CALN1: variants seen among roughly 807,000 people sequenced by gnomAD.
CALN1 encodes the protein calneuron 1.
In CALN1, 17 loss-of-function variants were observed where a neutral mutation model predicts 30.6. The observed-to-expected ratio is 0.56, with a 90% CI of 0.38 to 0.83. CALN1 has a LOEUF of 0.83. CALN1 is among the 40% of genes least tolerant of loss of function. The probability of loss-of-function intolerance (pLI) is 0.00; values close to 1 mark genes in which losing one functional copy is unlikely to be tolerated. For missense variants in CALN1, 291 were observed against 354.9 expected, an observed-to-expected ratio of 0.82 and a Z score of 1.45; for synonymous variants, 156 against 131.4, an observed-to-expected ratio of 1.19 and a Z score of -1.28.
chr7:72,456,141 G>A, the CALN1 span, among the ~76,000 whole-genome samples: 6 of 150,308 alleles, frequency 4.0e-5, no homozygotes, highest in East Asian at 1.2e-3. Flanking sequence ...CCAAGATCGT[G>A]CCACTGCACT....
chr7:72,007,195 G>T (rs529381742), intron 5 of CALN1, among the ~76,000 whole-genome samples: 1 of 152,318 alleles, frequency 6.6e-6, no homozygotes, highest in South Asian at 2.1e-4. Context: ...ACTTCCACCA[G>T]CCACGTGACT....
chr7:71,933,397 C>T lies in CALN1; in HGVS notation c.501+90260G>A, dbSNP rs927608498. On this transcript the variant is annotated intron_variant, in intron 5 of 6. Coordinates refer to ENST00000395275, the MANE Select transcript of CALN1 (RefSeq NM_031468.4). ...TGAACGCCGCCGCCGGCTGGTCTTT[C>T]CTTTCGGAAGCCCCTCTCACTAGAG... is the stretch of plus-strand genomic sequence containing the variant. Among the ~76,000 whole-genome samples the T allele has an allele frequency of 5.3e-5, 8 of 152,146 alleles. No individual in the cohort carries two copies. The South Asian group carries it at 8.3e-4, about 16-fold the overall frequency.
rs183900594 is a variant in CALN1 at position 71,963,594 on chromosome 7, C to T, written c.501+60063G>A. On this transcript the variant is annotated intron_variant, in intron 5 of 6. Transcript: ENST00000395275. Reference sequence around the variant, plus strand: ...TGCTGGGATTACAGGTATGAGCCACCGTGCCCAGCCTAGGAAACTTTTTCT... The same window carrying T: ...TGCTGGGATTACAGGTATGAGCCACTGTGCCCAGCCTAGGAAACTTTTTCT... Among the ~76,000 whole-genome samples, 33 of 152,064 alleles carry T rather than the reference C, an allele frequency of 2.2e-4. 1 individual carries two copies. The East Asian group carries it at 3.5e-3, about 16-fold the overall frequency.
Position 72,253,647 on chromosome 7 carries a change from C to T in CALN1, c.244+25039G>A, listed in dbSNP as rs115022378. On this transcript the variant is annotated intron_variant, in intron 3 of 6. Coordinates refer to ENST00000395275, the MANE Select transcript of CALN1 (RefSeq NM_031468.4). Reference sequence around the variant, plus strand: ...TAAGAACAGCACGGGGGAACTACCCCCATGATCCAATCATCTCCCACCAGG... The same window carrying T: ...TAAGAACAGCACGGGGGAACTACCCTCATGATCCAATCATCTCCCACCAGG... Among the ~76,000 whole-genome samples the T allele has an allele frequency of 2.6e-4, 40 of 152,308 alleles. 1 individual carries two copies. The highest frequency in any genetic ancestry group is 8.9e-4 in the African/African-American group (37 of 41,570).
rs146241594 is a variant in CALN1 at position 71,976,563 on chromosome 7, G to A, written c.501+47094C>T. Among the ~76,000 whole-genome samples the A allele has an allele frequency of 3.0e-4, 46 of 152,354 alleles. No homozygotes were observed. In the East Asian group the frequency reaches 5.0e-3, roughly 17 times the overall value. On this transcript the variant is annotated intron_variant, in intron 5 of 6. Transcript: ENST00000395275. ...CAGGGATGGCTGAGATGTTCCCAGA[G>A]ATGGGAAATGAACGAGGTCCTCCCT...
intron 3 of CALN1, among the ~76,000 whole-genome samples, chr7:72,250,963 T>C (rs1795511619): frequency 6.6e-6 from 1 of 152,216 alleles, no homozygotes; most frequent in Non-Finnish European, 1.5e-5. Flanking sequence ...GGCTTTCCTT[T>C]ATCCTTGGCT....
chr7:71,910,949 T>C (rs1156595039), intron 5 of CALN1, among the ~76,000 whole-genome samples: 1 of 152,020 alleles, frequency 6.6e-6, no homozygotes, highest in Non-Finnish European at 1.5e-5. Flanking sequence ...ACAGAAGCAA[T>C]TTGCTAGGTG....
chr7:72,225,427 GC>G (rs1236577906), intron 3 of CALN1, among the ~76,000 whole-genome samples: 2 of 152,066 alleles, frequency 1.3e-5, no homozygotes, highest in Non-Finnish European at 2.9e-5. Flanking sequence ...CCCAAAAAGG[GC>G]CACTTACAAA....
At chr7:71,842,930 G>C (rs1472444312) in intron 5 of CALN1, among the ~76,000 whole-genome samples, 2 of 152,256 alleles carry the variant, frequency 1.3e-5, no homozygotes, top group South Asian at 4.1e-4. Flanking sequence ...TTACATGACT[G>C]TAAATCTGAT....
intron 5 of CALN1, among the ~76,000 whole-genome samples, chr7:71,939,778 G>A (rs1477964892): frequency 6.6e-6 from 1 of 152,072 alleles, no homozygotes; most frequent in Non-Finnish European, 1.5e-5. Context: ...GGACACAGAG[G>A]ATACCTAGGG....
chr7:72,191,547 C>T (rs1041431042), intron 3 of CALN1, among the ~76,000 whole-genome samples: 5 of 104,326 alleles, frequency 4.8e-5, no homozygotes, highest in Non-Finnish European at 7.0e-5. Context: ...GGTGAGACTC[C>T]GTCTCAAAAA....
chr7:71,953,068 T>C (rs1393117690), intron 5 of CALN1, among the ~76,000 whole-genome samples: 1 of 152,098 alleles, frequency 6.6e-6, no homozygotes. Context: ...GCAATCCTCC[T>C]TCCTCAACCT....
At chr7:72,490,592 T>C in the CALN1 span, among the ~76,000 whole-genome samples, 2 of 152,170 alleles carry the variant, frequency 1.3e-5, no homozygotes, top group East Asian at 3.9e-4. Flanking sequence ...AGGAGGCGCC[T>C]GGTGGGAGGT....
At chr7:72,482,562 T>C in the CALN1 span, among the ~76,000 whole-genome samples, 1 of 152,120 alleles carries the variant, frequency 6.6e-6, no homozygotes, top group Non-Finnish European at 1.5e-5. Flanking sequence ...TATTTCTTTA[T>C]GACAGTCTAC....
chr7:71,780,764 G>T lies in CALN1; in HGVS notation c.*7011C>A, dbSNP rs1032648452. On this transcript the variant is annotated 3_prime_UTR_variant, in exon 7 of 7. Coordinates refer to ENST00000395275, the MANE Select transcript of CALN1 (RefSeq NM_031468.4). ...TCTTTATTCAGTAGCTTTCAGTAAG[G>T]CTTTCTCAAATGGAGAAACAAGCAT... The T allele has an allele frequency of 1.3e-5, 2 of 151,718 alleles. No individual in the cohort carries two copies. Among genetic ancestry groups the T allele is most frequent in the African/African-American group, 4.8e-5 (2 of 41,300 alleles). 9.4% of individuals were successfully genotyped at this position (151,718 alleles called of 1,614,324 possible).
intron 5 of CALN1, among the ~76,000 whole-genome samples, chr7:71,857,016 A>ATGTGTGTGTG (rs200594767): frequency 3.2e-4 from 45 of 142,318 alleles, no homozygotes; most frequent in South Asian, 9.3e-4. Flanking sequence ...GTGTATATGT[A>ATGTGTGTGTG]TGTGTGTGTG....
intron 4 of CALN1, among the ~76,000 whole-genome samples, chr7:72,073,482 T>C (rs1228166602): frequency 6.6e-6 from 1 of 152,220 alleles, no homozygotes; most frequent in South Asian, 2.1e-4. Flanking sequence ...GCTTTCCTTT[T>C]GCTTTTCTGT....
At chr7:71,800,799 C>G (rs577246566) in intron 6 of CALN1, among the ~76,000 whole-genome samples, 1 of 152,042 alleles carries the variant, frequency 6.6e-6, no homozygotes, top group African/African-American at 2.4e-5. Flanking sequence ...TTTGTTTTGA[C>G]TCAGCAATTA....
chr7:71,891,952 AT>A (rs1294370098), intron 5 of CALN1, among the ~76,000 whole-genome samples: 50 of 129,640 alleles, frequency 3.9e-4, no homozygotes, highest in East Asian at 1.6e-3. Flanking sequence ...TCAAAAATAA[AT>A]AAATAAAAAA....
Sources: gnomAD v4.1 joint callset for allele counts (sites outside exome capture counted in the v4.1 genomes callset) on GRCh38, gnomAD v4.1.1 for gene constraint, MANE v1.5 for transcripts, NCBI Gene and HGNC (gene_info 2026-07-23, HGNC 2026-07-21) for gene names.